Variants in HLTF observed in about 807,000 individuals in gnomAD.
HLTF encodes helicase like transcription factor, also known as DNA-dependent ATPase/E3 ubiquitin-protein ligase HLTF.
Under a neutral mutation model 129.4 loss-of-function variants are expected in HLTF, and 127 were observed. That is an observed-to-expected ratio of 0.98 (90% CI 0.85 to 1.14). The LOEUF (loss-of-function observed/expected upper bound fraction) is 1.14, where lower values mean the gene tolerates loss of function less well. HLTF is among the 50% of genes most tolerant of loss of function. HLTF has a pLI of 0.00. For synonymous variants in HLTF, 332 were observed against 388.8 expected (o/e 0.85, Z 1.72); for missense variants, 1,139 against 1,187.1 (o/e 0.96, Z 0.60).
chr3:149,034,261 C>G lies in HLTF; in HGVS notation c.2877+657G>C, dbSNP rs1328126605. Among the ~76,000 whole-genome samples, 6 of 152,208 alleles carry G rather than the reference C, an allele frequency of 3.9e-5. No homozygotes were observed. In the East Asian group the frequency reaches 1.2e-3, roughly 29 times the overall value. On this transcript the variant is annotated intron_variant, in intron 24 of 24. Transcript: ENST00000310053. Reference sequence around the variant, plus strand: ...TTTCTTAACTTATCCCAAAGAATTACTTGCATCTATGTGAAAAGATTTATA... The same window carrying G: ...TTTCTTAACTTATCCCAAAGAATTAGTTGCATCTATGTGAAAAGATTTATA...
chr3:149,085,046 T>C (rs986946334), intron 1 of HLTF, among the ~76,000 whole-genome samples, 157 bp from the exon 2 acceptor site: 3 of 152,220 alleles, frequency 2.0e-5, no homozygotes, highest in Non-Finnish European at 2.9e-5. Flanking sequence ...GGAATTGCAG[T>C]GAGTGGAGAA....
Position 149,075,613 on chromosome 3 carries a change from G to A in HLTF, c.395+268C>T, listed in dbSNP as rs543765172. Among the ~76,000 whole-genome samples, 146 of 152,290 alleles carry A rather than the reference G, an allele frequency of 9.6e-4. 4 individuals carry two copies. The South Asian group carries it at 0.029, about 30-fold the overall frequency. On this transcript the variant is annotated intron_variant, in intron 3 of 24. Transcript: ENST00000310053. ...CCTAAACCTAGGTACCAAAAGGTTTGGAGAAATGGAATGTACTTCCTAATA... is the reference window on the plus strand; with the variant it reads ...CCTAAACCTAGGTACCAAAAGGTTTAGAGAAATGGAATGTACTTCCTAATA...
chr3:149,076,156 G>A, intron 2 of HLTF, 109 bp from the exon 3 acceptor site: 1 of 434,584 alleles, frequency 2.3e-6, no homozygotes, highest in Non-Finnish European at 4.0e-6. Context: ...GCTAAACACT[G>A]CACATAAGAA....
In HLTF at chr3:149,065,779, A is replaced by G. The variant is rs570425623; in HGVS notation, c.991-913T>C. 1.8e-4 allele frequency among the ~76,000 whole-genome samples: 27 copies of G among 152,272 alleles called. No homozygotes were observed. The East Asian group carries it at 5.2e-3, about 29-fold the overall frequency. On this transcript the variant is annotated intron_variant, in intron 8 of 24. Coordinates refer to ENST00000310053, the MANE Select transcript of HLTF (RefSeq NM_003071.4). ...GAGGAGGTGGAGGTTGTAGTGAGCC[A>G]AGGTTGCGCCACTGCACTCCCTCTG...
At chr3:149,081,886 G>A (rs982477629) in intron 2 of HLTF, among the ~76,000 whole-genome samples, 2 of 152,168 alleles carry the variant, frequency 1.3e-5, no homozygotes, top group East Asian at 1.9e-4. Context: ...TAGGAGTTCT[G>A]GCCACTTGTG....
intron 23 of HLTF, among the ~76,000 whole-genome samples, chr3:149,037,467 CAAAA>C (rs71135657): frequency 2.0e-5 from 2 of 99,582 alleles, no homozygotes; most frequent in Admixed American, 1.1e-4. Context: ...GACTCTGTCT[CAAAA>C]AAAAAAAAAA....
chr3:149,059,921 C>A, intron 12 of HLTF, 114 bp from the exon 13 acceptor site: 1 of 658,480 alleles, frequency 1.5e-6, no homozygotes. Flanking sequence ...ATTGTAAGAG[C>A]TTATATTATT....
rs1717345901 is a variant in HLTF at position 149,055,402 on chromosome 3, TA to T, written c.1376-3del. 1.9e-5 allele frequency: 31 copies of T among 1,605,956 alleles called. No homozygotes were observed. Among genetic ancestry groups the T allele is most frequent in the Non-Finnish European group, 2.6e-5 (31 of 1,173,010 alleles). Reference sequence around the variant, plus strand: ...TTGACCCCTCCACTGCACAAGCTCCTAAAAAAATGAACCACTGATAGAACCT... The same window carrying T: ...TTGACCCCTCCACTGCACAAGCTCCTAAAAAATGAACCACTGATAGAACCT... On this transcript the variant is annotated splice_polypyrimidine_tract_variant and splice_region_variant and intron_variant, in intron 13 of 24. Coordinates refer to ENST00000310053, the MANE Select transcript of HLTF (RefSeq NM_003071.4).
intron 10 of HLTF, among the ~76,000 whole-genome samples, chr3:149,062,311 T>C (rs1295190592): frequency 6.6e-6 from 1 of 152,222 alleles, no homozygotes; most frequent in African/African-American, 2.4e-5. Context: ...AACAGTGTTG[T>C]GTTACCCAGG....
intron 18 of HLTF, among the ~76,000 whole-genome samples, chr3:149,042,852 G>C (rs1298546464): frequency 6.6e-6 from 1 of 152,016 alleles, no homozygotes; most frequent in East Asian, 1.9e-4. Flanking sequence ...TAAGTAAATT[G>C]GGTTATTTCC....
chr3:149,034,860 T>A (rs897794015), intron 24 of HLTF, 58 bp downstream of exon 24: 5 of 1,115,722 alleles, frequency 4.5e-6, no homozygotes, highest in African/African-American at 1.5e-5. Flanking sequence ...ATGCATTACT[T>A]GCTTAATTGT....
At chr3:149,051,566 T>TA (rs1265687464) in intron 14 of HLTF, among the ~76,000 whole-genome samples, 1 of 152,136 alleles carries the variant, frequency 6.6e-6, no homozygotes, top group African/African-American at 2.4e-5. Flanking sequence ...GGGGTATAAT[T>TA]AAAAATATTC....
At chr3:149,061,175 TC>T (rs757956601) in intron 10 of HLTF, among the ~76,000 whole-genome samples, 17 of 152,078 alleles carry the variant, frequency 1.1e-4, no homozygotes, top group Non-Finnish European at 2.1e-4. Context: ...GCTCAAGTGA[TC>T]ATCCCGCCTT....
chr3:149,034,969 G>A lies in HLTF; in HGVS notation c.2826C>T (p.Cys942=). The A allele has an allele frequency of 6.2e-7, 1 of 1,613,794 alleles. No individual in the cohort carries two copies. The highest frequency in any genetic ancestry group is 8.5e-7 in the Non-Finnish European group (1 of 1,179,702). The change falls in exon 24 of 25, where the codon TGC becomes TGT. Residue 942 remains cysteine, a synonymous_variant. Transcript: ENST00000310053. ...GACCAAGTCTATGGCATCTGTCAAA[G>A]CACTGATCTTCAGCAGCAGGATTCC... ...PAWNPAAEDQ[C]FDRCHRLGQK... is the part of the protein sequence containing the mutation.
intron 5 of HLTF, among the ~76,000 whole-genome samples, chr3:149,071,893 T>A (rs948111153): frequency 2.0e-5 from 3 of 151,906 alleles, no homozygotes; most frequent in Middle Eastern, 3.2e-3. Flanking sequence ...TACAAAAAAA[T>A]TTTTAAAAAA....
chr3:149,039,970 TG>T (rs1453944987), intron 21 of HLTF, 60 bp downstream of exon 21: 16 of 1,385,030 alleles, frequency 1.2e-5, no homozygotes, highest in Non-Finnish European at 1.5e-5. Flanking sequence ...TGATATACTG[TG>T]TATATTTCCT....
chr3:149,041,511 G>A lies in HLTF; in HGVS notation c.2355C>T (p.Cys785=). Residue 785 remains cysteine (C), a synonymous_variant, in exon 20 of 25, where the codon TGC becomes TGT. Coordinates refer to ENST00000310053, the MANE Select transcript of HLTF (RefSeq NM_003071.4). ...CAHVFCKPCI[C]QVIQNEQPHA... ...TAACCTGCTCATTCTGAATGACTTGGCAAATACAGGGTTTACAAAATACAT... is the reference window on the plus strand; with the variant it reads ...TAACCTGCTCATTCTGAATGACTTGACAAATACAGGGTTTACAAAATACAT... 1 of 1,612,754 alleles carries A rather than the reference G, an allele frequency of 6.2e-7. No homozygotes were observed. Among genetic ancestry groups the A allele is most frequent in the Non-Finnish European group, 8.5e-7 (1 of 1,179,238 alleles).
Position 149,075,883 on chromosome 3 carries a change from T to C in HLTF, c.393A>G (p.Glu131=), listed in dbSNP as rs1295770873. 1 of 1,594,396 alleles carries C rather than the reference T, an allele frequency of 6.3e-7. No homozygotes were observed. The highest frequency in any genetic ancestry group is 1.8e-5 in the Admixed American group (1 of 55,948). Residue 131 remains glutamate, a splice_region_variant and synonymous_variant, in exon 3 of 25, where the codon GAA becomes GAG. Transcript: ENST00000310053. ...ACTAAATTCTGAAAGTACATTACCC[T>C]TCAATTTGTGCCAATTTGTTGTCCA... ...YIMDNKLAQI[E]GVVPFGANNA...
chr3:149,040,121 T>C lies in HLTF; in HGVS notation c.2412A>G (p.Ile804Met). 6.2e-7 allele frequency: 1 copy of C among 1,609,008 alleles called. No homozygotes were observed. The highest frequency in any genetic ancestry group is 8.5e-7 in the Non-Finnish European group (1 of 1,177,614). Reference sequence around the variant, plus strand: ...GACATTCTAATAAATTATCTTCATGTATATCATTTCTGCATAAAGGGCATT... The same window carrying C: ...GACATTCTAATAAATTATCTTCATGCATATCATTTCTGCATAAAGGGCATT... ...HAKCPLCRND[I>M]HEDNLLECPP... Residue 804 changes from isoleucine to methionine, a missense_variant, in exon 21 of 25, where the codon ATA becomes ATG. Transcript: ENST00000310053.
Sources: allele counts gnomAD v4.1 joint callset (sites outside exome capture counted in the v4.1 genomes callset), GRCh38; gene constraint gnomAD v4.1.1; transcripts MANE v1.5; gene names NCBI Gene and HGNC (gene_info 2026-07-23, HGNC 2026-07-21).